NRCAM: variants seen among roughly 807,000 people sequenced by gnomAD.
NRCAM encodes NgCAM-related cell adhesion molecule.
A neutral mutation model predicts 156.5 loss-of-function variants in NRCAM; 83 were observed. The ratio of observed to expected loss-of-function variants is 0.53; its 90% CI spans 0.44 to 0.64. NRCAM has a LOEUF of 0.64. Among genes scored for constraint, NRCAM ranks in the 30% least tolerant of loss-of-function variants. The pLI, the probability that NRCAM is intolerant of heterozygous loss-of-function variation, is 0.00. For missense variants in NRCAM, 1,417 were observed against 1,597.3 expected (o/e 0.89, Z 1.92); for synonymous variants, 538 against 563.9 (o/e 0.95, Z 0.65).
At chr7:108,337,756 GGGAAGCGGCCTGCCACCATCTT>G (rs1426145967) in intron 2 of NRCAM, among the ~76,000 whole-genome samples, 3 of 151,452 alleles carry the variant, frequency 2.0e-5, no homozygotes, top group Non-Finnish European at 4.4e-5. Context: ...GCCACCATCT[GGGAAGCGGCCTGCCACCATCTT>G]GGAAGCCGCC....
chr7:108,344,044 A>C (rs181104041), intron 2 of NRCAM, among the ~76,000 whole-genome samples: 233 of 152,228 alleles, frequency 1.5e-3, no homozygotes, highest in Non-Finnish European at 2.3e-3. Flanking sequence ...ACCAAAGGCA[A>C]CCCTCCTGAG....
At chr7:108,212,257 C>T (rs1334549947) in intron 11 of NRCAM, among the ~76,000 whole-genome samples, 1 of 152,182 alleles carries the variant, frequency 6.6e-6, no homozygotes, top group Non-Finnish European at 1.5e-5. Flanking sequence ...GACTTCAGCC[C>T]TAGACCTTCC....
Position 108,227,437 on chromosome 7 carries a change from T to G in NRCAM, c.551-1059A>C, listed in dbSNP as rs117057674. On this transcript the variant is annotated intron_variant, in intron 8 of 32. Coordinates refer to ENST00000379028, the MANE Select transcript of NRCAM (RefSeq NM_001037132.4). ...ATGGTAATTAGCATACCCATCACCTTAGACAGTTACGATTTCTTTGTTGTG... is the reference window on the plus strand; with the variant it reads ...ATGGTAATTAGCATACCCATCACCTGAGACAGTTACGATTTCTTTGTTGTG... 8.1e-3 allele frequency among the ~76,000 whole-genome samples: 1,231 copies of G among 152,338 alleles called. 4 individuals are homozygous for G. Among genetic ancestry groups the G allele is most frequent in the Non-Finnish European group, 0.014 (928 of 68,032 alleles).
At chr7:108,270,720 GGAA>G (rs1185792842) in intron 3 of NRCAM, among the ~76,000 whole-genome samples, 1 of 152,164 alleles carries the variant, frequency 6.6e-6, no homozygotes, top group Non-Finnish European at 1.5e-5. Flanking sequence ...GCCTTAAAAA[GGAA>G]GAAAATTCTG....
chr7:108,318,482 G>T (rs528300607), intron 2 of NRCAM, among the ~76,000 whole-genome samples: 1 of 152,328 alleles, frequency 6.6e-6, no homozygotes, highest in South Asian at 2.1e-4. Flanking sequence ...TTGTGAGGCT[G>T]TTAGATTCCC....
At chr7:108,403,948 T>C (rs2099800239) in intron 1 of NRCAM, among the ~76,000 whole-genome samples, 2 of 152,188 alleles carry the variant, frequency 1.3e-5, no homozygotes, top group South Asian at 2.1e-4. Context: ...TCTCTCCTTA[T>C]GGTAAAAAGT....
intron 2 of NRCAM, among the ~76,000 whole-genome samples, chr7:108,347,033 T>TTC (rs2099360773): frequency 5.4e-5 from 1 of 18,646 alleles, no homozygotes; most frequent in African/African-American, 1.4e-4. Flanking sequence ...TATATTTCTG[T>TTC]TTTTTTTTTT....
At chr7:108,288,310 C>A (rs1026531167) in intron 3 of NRCAM, among the ~76,000 whole-genome samples, 3 of 151,812 alleles carry the variant, frequency 2.0e-5, no homozygotes, top group Admixed American at 6.6e-5. Flanking sequence ...TGGGGTGATG[C>A]GTAACATTAA....
chr7:108,404,940 A>C (rs2099803144), intron 1 of NRCAM, among the ~76,000 whole-genome samples: 1 of 152,210 alleles, frequency 6.6e-6, no homozygotes, highest in Admixed American at 6.5e-5. Context: ...GTGAGGAGAC[A>C]TTGGCATCAG....
At chr7:108,283,223 T>C (rs574423933) in intron 3 of NRCAM, among the ~76,000 whole-genome samples, 1 of 152,352 alleles carries the variant, frequency 6.6e-6, no homozygotes, top group African/African-American at 2.4e-5. Flanking sequence ...AGATTGTTAG[T>C]GAAAGACTAT....
At chr7:108,269,407 T>C (rs1406333747) in intron 3 of NRCAM, among the ~76,000 whole-genome samples, 1 of 152,194 alleles carries the variant, frequency 6.6e-6, no homozygotes, top group Admixed American at 6.5e-5. Flanking sequence ...TGTACAAATA[T>C]AGTGAGTTTG....
At chr7:108,314,350 G>C (rs1488946193) in intron 2 of NRCAM, among the ~76,000 whole-genome samples, 3 of 152,156 alleles carry the variant, frequency 2.0e-5, no homozygotes, top group Admixed American at 6.6e-5. Flanking sequence ...TTTAGGTCAA[G>C]AGAATAGGGT....
intron 2 of NRCAM, among the ~76,000 whole-genome samples, chr7:108,374,659 T>C (rs1433447295): frequency 6.6e-6 from 1 of 152,196 alleles, no homozygotes; most frequent in Non-Finnish European, 1.5e-5. Flanking sequence ...AGTAGGATGC[T>C]GTGCTAAATA....
chr7:108,430,440 T>C (rs1353359903), intron 1 of NRCAM, among the ~76,000 whole-genome samples: 1 of 152,046 alleles, frequency 6.6e-6, no homozygotes, highest in African/African-American at 2.4e-5. Flanking sequence ...GATCTCCCGA[T>C]AGATTAGATG....
chr7:108,191,100 T>C (rs1202229933), intron 19 of NRCAM, among the ~76,000 whole-genome samples, 154 bp downstream of exon 19: 3 of 152,248 alleles, frequency 2.0e-5, no homozygotes, highest in African/African-American at 7.2e-5. Context: ...AAATGATTCA[T>C]TGTCAGTAAA....
intron 2 of NRCAM, among the ~76,000 whole-genome samples, chr7:108,373,075 T>C (rs2099639367): frequency 6.6e-6 from 1 of 152,142 alleles, no homozygotes; most frequent in Admixed American, 6.6e-5. Context: ...GACATTATGC[T>C]AAGTTAAATA....
At chr7:108,304,349 C>A (rs1183988596) in intron 3 of NRCAM, among the ~76,000 whole-genome samples, 1 of 151,966 alleles carries the variant, frequency 6.6e-6, no homozygotes, top group Non-Finnish European at 1.5e-5. Flanking sequence ...GCACTTTTGG[C>A]CTCTACAACA....
chr7:108,330,490 G>A (rs1026124965), intron 2 of NRCAM, among the ~76,000 whole-genome samples: 6 of 152,124 alleles, frequency 3.9e-5, no homozygotes, highest in Admixed American at 6.5e-5. Flanking sequence ...CTGCAGGCCC[G>A]TTTCTCACTC....
At chr7:108,302,776 C>A (rs959421373) in intron 3 of NRCAM, among the ~76,000 whole-genome samples, 3 of 152,130 alleles carry the variant, frequency 2.0e-5, no homozygotes, top group African/African-American at 7.2e-5. Context: ...AATATAGATG[C>A]CAAATTAGCC....
Sources: gnomAD v4.1 joint callset for allele counts (sites outside exome capture counted in the v4.1 genomes callset) on GRCh38, gnomAD v4.1.1 for gene constraint, MANE v1.5 for transcripts, NCBI Gene and HGNC (gene_info 2026-07-23, HGNC 2026-07-21) for gene names.